Variants in USH2A observed in about 807,000 individuals in gnomAD.
The protein encoded by USH2A is usherin, also known as Usher syndrome 2A (autosomal recessive, mild).
In USH2A, 443 loss-of-function variants were observed where a neutral mutation model predicts 538.9. The observed-to-expected ratio is 0.82, with a 90% CI of 0.76 to 0.89. The LOEUF (loss-of-function observed/expected upper bound fraction) is 0.89, where lower values mean the gene tolerates loss of function less well. Among genes scored for constraint, USH2A ranks in the 40% least tolerant of loss-of-function variants. The probability of loss-of-function intolerance (pLI) is 0.00; values close to 1 mark genes in which losing one functional copy is unlikely to be tolerated. For missense variants in USH2A, 6,633 were observed against 6,324.8 expected (o/e 1.05, Z -1.65); for synonymous variants, 2,413 against 2,273.5 (o/e 1.06, Z -1.75).
chr1:215,987,491 G>A (rs1667899324), intron 35 of USH2A, among the ~76,000 whole-genome samples: 1 of 152,198 alleles, frequency 6.6e-6, no homozygotes. Context: ...GAACGTGGGT[G>A]CAAAGGACTC....
At chr1:216,137,984 C>T (rs2033519427) in intron 21 of USH2A, among the ~76,000 whole-genome samples, 2 of 152,026 alleles carry the variant, frequency 1.3e-5, no homozygotes, top group Admixed American at 1.3e-4. Flanking sequence ...TGAAAACTTT[C>T]ATCTAAAGGA....
At chr1:216,338,316 A>G (rs1296270268) in intron 4 of USH2A, among the ~76,000 whole-genome samples, 2 of 151,464 alleles carry the variant, frequency 1.3e-5, no homozygotes, top group East Asian at 3.9e-4. Context: ...ACTACCATCA[A>G]ATTGGAGCTT....
intron 32 of USH2A, among the ~76,000 whole-genome samples, chr1:216,007,038 A>C (rs1423660537): frequency 6.6e-6 from 1 of 152,086 alleles, no homozygotes; most frequent in African/African-American, 2.4e-5. Context: ...TTCTGTTCTC[A>C]TGGTAGTGAA....
At chr1:216,174,232 T>A in intron 21 of USH2A, 1 of 985,228 alleles carries the variant, frequency 1.0e-6, no homozygotes, top group South Asian at 4.7e-5. Flanking sequence ...TTTTAAAGAC[T>A]AGCTATTTGC....
intron 32 of USH2A, among the ~76,000 whole-genome samples, chr1:216,016,204 G>T (rs1019896586): frequency 6.6e-6 from 1 of 151,356 alleles, no homozygotes; most frequent in African/African-American, 2.4e-5. Context: ...GGGGTGGGCG[G>T]GGAGGGGAGG....
chr1:216,151,829 C>T lies in USH2A; in HGVS notation c.4627+23423G>A, dbSNP rs201326441. Among the ~76,000 whole-genome samples the T allele has an allele frequency of 3.0e-4, 45 of 152,222 alleles. 1 individual carries two copies. The East Asian group carries it at 7.9e-3, about 27-fold the overall frequency. ...AACCAAGCAAGTAATTACGCTGAAC[C>T]CCCTTGGGCACTCTCTAATTGGATG... On this transcript the variant is annotated intron_variant, in intron 21 of 71. Coordinates refer to ENST00000307340, the MANE Select transcript of USH2A (RefSeq NM_206933.4).
Position 216,246,007 on chromosome 1 carries a change from G to A in USH2A, c.2809+578C>T, listed in dbSNP as rs1007403766. ...AGTTAAAATCTTAAATGTAAGGAGA[G>A]CCATAGATGGGGTCTATCCCTCTCC... is the stretch of plus-strand genomic sequence containing the variant. On this transcript the variant is annotated intron_variant, in intron 13 of 71. Transcript: ENST00000307340. Among the ~76,000 whole-genome samples the A allele has an allele frequency of 3.3e-5, 5 of 152,316 alleles. No homozygotes were observed. The South Asian group carries it at 6.2e-4, about 19-fold the overall frequency.
At chr1:216,355,842 T>A (rs953719945) in intron 4 of USH2A, among the ~76,000 whole-genome samples, 28 of 152,146 alleles carry the variant, frequency 1.8e-4, no homozygotes, top group Non-Finnish European at 7.4e-5. Context: ...AAATTAAATA[T>A]GGTCATGGCC....
intron 43 of USH2A, among the ~76,000 whole-genome samples, chr1:215,870,569 G>A (rs1664601463): frequency 6.6e-6 from 1 of 150,604 alleles, no homozygotes; most frequent in Non-Finnish European, 1.5e-5. Flanking sequence ...CTGGGATTCT[G>A]TACAGGCGTG....
Position 215,878,006 on chromosome 1 carries a change from G to T in USH2A, c.8559-126C>A, listed in dbSNP as rs1037954070. ...GGAAGCATAAAGAATAACATCTTAA[G>T]TTTACAGTTACGTGGTTTTGTTTCA... On this transcript the variant is annotated intron_variant, in intron 42 of 71. Transcript: ENST00000307340. 3.0e-6 allele frequency: 4 copies of T among 1,337,490 alleles called. No individual in the cohort carries two copies. The African/African-American group carries it at 4.4e-5, about 15-fold the overall frequency. 82.9% of individuals were successfully genotyped at this position (1,337,490 alleles called of 1,614,324 possible).
At chr1:215,829,092 G>A (rs558303985) in intron 47 of USH2A, among the ~76,000 whole-genome samples, 9 of 152,146 alleles carry the variant, frequency 5.9e-5, no homozygotes, top group East Asian at 1.9e-4. Flanking sequence ...ACATGTCCGG[G>A]TTATCGATCA....
At chr1:216,333,705 A>C (rs1289106878) in intron 4 of USH2A, among the ~76,000 whole-genome samples, 4 of 152,096 alleles carry the variant, frequency 2.6e-5, no homozygotes, top group African/African-American at 9.7e-5. Flanking sequence ...AAAATCTTGA[A>C]AGCAGCAAGT....
intron 64 of USH2A, 137 bp downstream of exon 64, chr1:215,670,835 A>T (rs1294804460): frequency 9.9e-6 from 9 of 911,200 alleles, no homozygotes. Context: ...CCACTTAAAA[A>T]TTTTTAAGGA....
chr1:216,165,303 G>C (rs2102631973), intron 21 of USH2A, among the ~76,000 whole-genome samples: 1 of 152,162 alleles, frequency 6.6e-6, no homozygotes, highest in African/African-American at 2.4e-5. Flanking sequence ...TAAGCCTAAG[G>C]AGATCATGTA....
intron 38 of USH2A, among the ~76,000 whole-genome samples, chr1:215,927,784 T>C (rs1666270567): frequency 1.3e-5 from 2 of 151,946 alleles, no homozygotes; most frequent in South Asian, 4.1e-4. Context: ...TGGAATTATT[T>C]AAAAATAAAA....
intron 3 of USH2A, among the ~76,000 whole-genome samples, chr1:216,381,169 G>C (rs560796951): frequency 6.6e-6 from 1 of 152,088 alleles, no homozygotes; most frequent in Non-Finnish European, 1.5e-5. Context: ...CAAAGAAATG[G>C]AGTTGAAGAG....
At chr1:216,335,257 C>T (rs547079427) in intron 4 of USH2A, among the ~76,000 whole-genome samples, 4 of 151,596 alleles carry the variant, frequency 2.6e-5, no homozygotes, top group African/African-American at 4.8e-5. Context: ...TGGAAGTGAA[C>T]ATGCAACATA....
rs184450390 is a variant in USH2A at position 216,102,358 on chromosome 1, T to C, written c.4628-5145A>G. ...GTATGTACACATACACACACGTATATATTACATATATTTTTATATATAATA... is the reference window on the plus strand; with the variant it reads ...GTATGTACACATACACACACGTATACATTACATATATTTTTATATATAATA... On this transcript the variant is annotated intron_variant, in intron 21 of 71. Coordinates refer to ENST00000307340, the MANE Select transcript of USH2A (RefSeq NM_206933.4). Among the ~76,000 whole-genome samples the C allele has an allele frequency of 1.4e-3, 211 of 149,700 alleles. 5 individuals are homozygous for C. The East Asian group carries it at 0.039, about 28-fold the overall frequency.
intron 3 of USH2A, among the ~76,000 whole-genome samples, chr1:216,390,383 A>T (rs2039084979): frequency 6.6e-6 from 1 of 152,148 alleles, no homozygotes; most frequent in African/African-American, 2.4e-5. Context: ...ATTGAACATA[A>T]CTGAAAAGTT....
Sources: gnomAD v4.1 joint callset for allele counts (sites outside exome capture counted in the v4.1 genomes callset) on GRCh38, gnomAD v4.1.1 for gene constraint, MANE v1.5 for transcripts, NCBI Gene and HGNC (gene_info 2026-07-23, HGNC 2026-07-21) for gene names.